Variants in CWC22 observed in about 807,000 individuals in gnomAD.
The protein encoded by CWC22 is pre-mRNA-splicing factor CWC22 homolog.
Under a neutral mutation model 117.2 loss-of-function variants are expected in CWC22, and 53 were observed. The ratio of observed to expected loss-of-function variants is 0.45; its 90% CI spans 0.36 to 0.57. CWC22 has a LOEUF of 0.57. CWC22 is among the 20% of genes least tolerant of loss of function. The probability of loss-of-function intolerance (pLI) is 0.00; values close to 1 mark genes in which losing one functional copy is unlikely to be tolerated. For synonymous variants in CWC22, 360 were observed against 355.6 expected (o/e 1.01, Z -0.14); for missense variants, 980 against 1,068.8 (o/e 0.92, Z 1.16).
chr2:179,953,536 A>G (rs575165690), intron 16 of CWC22, among the ~76,000 whole-genome samples: 2 of 152,112 alleles, frequency 1.3e-5, no homozygotes, highest in Non-Finnish European at 2.9e-5. Flanking sequence ...GGGGCCATGT[A>G]TAATTCACTC....
At chr2:179,948,679 C>T (rs139501596) in intron 19 of CWC22, among the ~76,000 whole-genome samples, 2,573 of 152,152 alleles carry the variant, frequency 0.017, 224 homozygotes, top group Admixed American at 0.14. Flanking sequence ...AAACATCAGA[C>T]GAAACTCCAT....
chr2:180,005,386 G>A (rs752891873), intron 1 of CWC22, among the ~76,000 whole-genome samples: 2 of 152,112 alleles, frequency 1.3e-5, no homozygotes, highest in Non-Finnish European at 2.9e-5. Context: ...CACCATCCTG[G>A]CTAACACAGT....
rs1296667092 is a variant in CWC22, at chr2:179,964,643, A to T, written c.1316-15T>A. ...TACTTTTTGTCCTGAAAGAAACATA[A>T]CAAAATTACACAACTGCAAAAATAA... On this transcript the variant is annotated splice_polypyrimidine_tract_variant and intron_variant, in intron 12 of 19. Coordinates refer to ENST00000410053, the MANE Select transcript of CWC22 (RefSeq NM_020943.3). 1 of 1,303,840 alleles carries T rather than the reference A, an allele frequency of 7.7e-7. No individual in the cohort carries two copies. The highest frequency in any genetic ancestry group is 2.5e-5 in the East Asian group (1 of 40,004). 80.8% of individuals were successfully genotyped at this position (1,303,840 alleles called of 1,614,324 possible).
At chr2:179,957,661 G>A (rs549610632) in intron 14 of CWC22, among the ~76,000 whole-genome samples, 227 of 152,202 alleles carry the variant, frequency 1.5e-3, no homozygotes, top group African/African-American at 5.4e-3. Flanking sequence ...TAATCAAGAA[G>A]ACCTAGAAGA....
intron 14 of CWC22, among the ~76,000 whole-genome samples, chr2:179,956,310 C>T (rs1033862097): frequency 1.3e-5 from 2 of 151,292 alleles, no homozygotes; most frequent in African/African-American, 4.8e-5. Flanking sequence ...TGGCTAGTGG[C>T]TATTTAAATT....
At chr2:179,990,706 C>T (rs150699730) in intron 2 of CWC22, among the ~76,000 whole-genome samples, 3 of 152,298 alleles carry the variant, frequency 2.0e-5, no homozygotes, top group Non-Finnish European at 4.4e-5. Flanking sequence ...GGCCCCAATT[C>T]TGTACTAATG....
chr2:180,004,369 A>G (rs1277336209), intron 1 of CWC22, among the ~76,000 whole-genome samples: 1 of 152,104 alleles, frequency 6.6e-6, no homozygotes, highest in Non-Finnish European at 1.5e-5. Flanking sequence ...ACTGGGAAGG[A>G]GAGTTAACTT....
Position 179,959,002 on chromosome 2 carries a change from T to C in CWC22, c.1458+20A>G, listed in dbSNP as rs748275764. 13 of 1,469,876 alleles carry C rather than the reference T, an allele frequency of 8.8e-6. No homozygotes were observed. The highest frequency in any genetic ancestry group is 4.9e-5 in the South Asian group (4 of 82,168). The allele number at this position is 1,469,876 out of a possible 1,614,324, so 91.1% of individuals were successfully genotyped here. On this transcript the variant is annotated intron_variant, in intron 14 of 19. Coordinates refer to ENST00000410053, the MANE Select transcript of CWC22 (RefSeq NM_020943.3). ...TAAAACCAATATATACATTTCCTAA[T>C]AGAAAAAGTATTAACATACTGTTTG...
chr2:179,986,431 A>G (rs544928550), intron 4 of CWC22, among the ~76,000 whole-genome samples: 16 of 152,288 alleles, frequency 1.1e-4, no homozygotes, highest in South Asian at 1.0e-3. Context: ...TAGGCTTGCC[A>G]CTATTATGTT....
chr2:179,975,142 G>A (rs1687125481), intron 6 of CWC22, among the ~76,000 whole-genome samples: 1 of 152,176 alleles, frequency 6.6e-6, no homozygotes, highest in African/African-American at 2.4e-5. Flanking sequence ...ACAACATGGA[G>A]TAATTCTATT....
chr2:179,986,194 T>C (rs1389254450), intron 4 of CWC22, among the ~76,000 whole-genome samples: 1 of 152,118 alleles, frequency 6.6e-6, no homozygotes, highest in Non-Finnish European at 1.5e-5. Context: ...GTAACCAAGT[T>C]CTCTAAAGCT....
chr2:179,968,537 ATT>A (rs1686949639), intron 11 of CWC22, among the ~76,000 whole-genome samples: 1 of 151,524 alleles, frequency 6.6e-6, no homozygotes, highest in Non-Finnish European at 1.5e-5. Flanking sequence ...AAAAAACACC[ATT>A]CTCACTAAAT....
intron 15 of CWC22, 71 bp downstream of exon 15, chr2:179,954,886 G>T: frequency 1.1e-6 from 1 of 935,600 alleles, no homozygotes; most frequent in Non-Finnish European, 1.7e-6. Flanking sequence ...AATGAGACCA[G>T]ACCATAAAGC....
chr2:180,001,557 T>C (rs922369306), intron 1 of CWC22, among the ~76,000 whole-genome samples: 2 of 152,176 alleles, frequency 1.3e-5, no homozygotes, highest in South Asian at 4.1e-4. Context: ...CTCAAACTCC[T>C]GACCTCAAGT....
chr2:179,958,934 C>T (rs754076985), intron 14 of CWC22, 88 bp downstream of exon 14: 33 of 711,530 alleles, frequency 4.6e-5, no homozygotes, highest in Non-Finnish European at 8.1e-5. Flanking sequence ...TGAGGTATTG[C>T]TTCAATCCAC....
intron 13 of CWC22, among the ~76,000 whole-genome samples, chr2:179,963,450 C>G (rs1686807597): frequency 7.4e-6 from 1 of 135,526 alleles, no homozygotes; most frequent in Admixed American, 8.8e-5. Flanking sequence ...TCACGCCATT[C>G]TCCTGCCTCA....
At chr2:179,946,703 A>G (rs954375835) in intron 19 of CWC22, among the ~76,000 whole-genome samples, 1 of 152,214 alleles carries the variant, frequency 6.6e-6, no homozygotes, top group African/African-American at 2.4e-5. Flanking sequence ...TCAAAATACA[A>G]TGATCACCCA....
chr2:179,957,559 G>A (rs1686627996), intron 14 of CWC22, among the ~76,000 whole-genome samples: 1 of 152,112 alleles, frequency 6.6e-6, no homozygotes, highest in Non-Finnish European at 1.5e-5. Context: ...CAGGCAGCAG[G>A]CCTCCACCGC....
At chr2:180,006,728 C>T (rs747057694) in intron 1 of CWC22, 139 bp downstream of exon 1, 1 of 152,266 alleles carries the variant, frequency 6.6e-6, no homozygotes, top group Non-Finnish European at 1.5e-5. Flanking sequence ...TCCAGAGGCT[C>T]TAAGTATAAA....
Sources: allele counts gnomAD v4.1 joint callset (sites outside exome capture counted in the v4.1 genomes callset), GRCh38; gene constraint gnomAD v4.1.1; transcripts MANE v1.5; gene names NCBI Gene and HGNC (gene_info 2026-07-23, HGNC 2026-07-21).